TSPAN5: variants seen among roughly 807,000 people sequenced by gnomAD.
TSPAN5 encodes the protein tetraspanin 5.
A neutral mutation model predicts 37.1 loss-of-function variants in TSPAN5; 10 were observed. That is an observed-to-expected ratio of 0.27 (90% confidence interval 0.17 to 0.46). TSPAN5 has a LOEUF of 0.46. TSPAN5 is among the 20% of genes least tolerant of loss of function. The probability of loss-of-function intolerance (pLI) is 1.00; values close to 1 mark genes in which losing one functional copy is unlikely to be tolerated. For synonymous variants in TSPAN5, 110 were observed against 118.9 expected, an observed-to-expected ratio of 0.93 and a Z score of 0.48; for missense variants, 195 against 326.6, an observed-to-expected ratio of 0.60 and a Z score of 3.11.
intron 1 of TSPAN5, chr4:98,657,782 C>T: frequency 3.4e-6 from 1 of 292,060 alleles, no homozygotes. Flanking sequence ...ATTATGACAC[C>T]ACGCTCTGCC....
chr4:98,630,722 C>T (rs1023797622), intron 1 of TSPAN5, among the ~76,000 whole-genome samples: 2 of 152,192 alleles, frequency 1.3e-5, no homozygotes, highest in African/African-American at 4.8e-5. Flanking sequence ...AAAAAGTTCT[C>T]TGAGAAAGTA....
At chr4:98,574,334 T>G (rs1440819445) in intron 1 of TSPAN5, 1 of 152,232 alleles carries the variant, frequency 6.6e-6, no homozygotes, top group Non-Finnish European at 1.5e-5. Flanking sequence ...TAAAGGTTTA[T>G]TTTACCCCCT....
At chr4:98,589,925 C>T (rs938722520) in intron 1 of TSPAN5, among the ~76,000 whole-genome samples, 1 of 152,174 alleles carries the variant, frequency 6.6e-6, no homozygotes, top group Non-Finnish European at 1.5e-5. Context: ...TTCAATAGCA[C>T]TTCTAGCTCT....
Position 98,592,558 on chromosome 4 carries a change from G to T in TSPAN5, c.81+65588C>A, listed in dbSNP as rs1391870172. ...CCACTAATGTGTCGTCTAGCATTAG[G>T]TATATCTCCCAATGCTATCCCTCCC... On this transcript the variant is annotated intron_variant, in intron 1 of 7. Coordinates refer to ENST00000305798, the MANE Select transcript of TSPAN5 (RefSeq NM_005723.4). Among the ~76,000 whole-genome samples the T allele has an allele frequency of 2.0e-5, 3 of 148,000 alleles. No homozygotes were observed. The East Asian group carries it at 6.2e-4, about 30-fold the overall frequency.
At chr4:98,476,373 A>G in intron 6 of TSPAN5, 40 bp downstream of exon 6, 1 of 1,613,960 alleles carries the variant, frequency 6.2e-7, no homozygotes, top group Non-Finnish European at 8.5e-7. Flanking sequence ...AGCTCCTCCA[A>G]CACCCTTCGT....
intron 7 of TSPAN5, among the ~76,000 whole-genome samples, chr4:98,474,164 T>C (rs779422698): frequency 1.3e-5 from 2 of 152,234 alleles, no homozygotes; most frequent in Non-Finnish European, 2.9e-5. Context: ...TGGAGTTCTA[T>C]AGCATTAGCT....
chr4:98,517,043 A>G (rs1202212470), intron 1 of TSPAN5, among the ~76,000 whole-genome samples: 2 of 152,246 alleles, frequency 1.3e-5, no homozygotes, highest in Non-Finnish European at 2.9e-5. Flanking sequence ...ACCACAAAAC[A>G]GATTAAGACT....
chr4:98,505,294 A>G (rs1444056721), intron 2 of TSPAN5, among the ~76,000 whole-genome samples: 2 of 152,174 alleles, frequency 1.3e-5, no homozygotes, highest in Non-Finnish European at 2.9e-5. Context: ...CCTAGAATAT[A>G]TCCAAACTTC....
intron 3 of TSPAN5, chr4:98,484,421 G>C: frequency 2.2e-6 from 1 of 455,866 alleles, no homozygotes; most frequent in Non-Finnish European, 4.4e-6. Flanking sequence ...GATTATTCCA[G>C]GCAAGTTTTT....
At chr4:98,542,708 C>T (rs1754385837) in intron 1 of TSPAN5, among the ~76,000 whole-genome samples, 1 of 123,602 alleles carries the variant, frequency 8.1e-6, no homozygotes, top group Non-Finnish European at 1.6e-5. Context: ...GACAGTGAGA[C>T]CTCATCTCTT....
chr4:98,548,777 T>C (rs28662058), intron 1 of TSPAN5, among the ~76,000 whole-genome samples: 3,483 of 152,292 alleles, frequency 0.023, 127 homozygotes, highest in African/African-American at 0.08. Context: ...GTGTGGCATT[T>C]GCCTTTCTGT....
intron 1 of TSPAN5, chr4:98,575,031 G>GGCCAGA (rs138725206): frequency 0.034 from 5,330 of 155,394 alleles, 261 homozygotes; most frequent in Admixed American, 0.13. Flanking sequence ...TGCAGACAAG[G>GGCCAGA]GCCAGAGCCA....
intron 1 of TSPAN5, among the ~76,000 whole-genome samples, chr4:98,598,282 G>A (rs1451065558): frequency 2.8e-5 from 4 of 141,332 alleles, no homozygotes; most frequent in Non-Finnish European, 3.0e-5. Context: ...GCAATGCCTC[G>A]CCCTGCTTCG....
intron 1 of TSPAN5, among the ~76,000 whole-genome samples, chr4:98,533,543 C>CATTTTTTTTTTTTTTTTTTTTTTTT (rs1754149818): frequency 1.7e-5 from 1 of 58,582 alleles, no homozygotes; most frequent in Non-Finnish European, 2.7e-5. Context: ...TCCCCTATAT[C>CATTTTTTTTTTTTTTTTTTTTTTTT]TTTTTTTTTT....
chr4:98,629,742 C>T (rs1756699594), intron 1 of TSPAN5, among the ~76,000 whole-genome samples: 1 of 152,098 alleles, frequency 6.6e-6, no homozygotes, highest in South Asian at 2.1e-4. Flanking sequence ...ATCCCCAGGG[C>T]AGTAAAAACC....
At chr4:98,587,166 AG>A (rs1755509333) in intron 1 of TSPAN5, among the ~76,000 whole-genome samples, 1 of 152,226 alleles carries the variant, frequency 6.6e-6, no homozygotes, top group Non-Finnish European at 1.5e-5. Flanking sequence ...GCGCCAAAGA[AG>A]GGCATTCATA....
intron 1 of TSPAN5, among the ~76,000 whole-genome samples, chr4:98,511,219 A>C (rs1753597475): frequency 6.6e-6 from 1 of 152,260 alleles, no homozygotes; most frequent in Non-Finnish European, 1.5e-5. Flanking sequence ...GTTTTAAAAT[A>C]AATAACAATA....
chr4:98,519,873 C>T (rs1234476158), intron 1 of TSPAN5, among the ~76,000 whole-genome samples: 1 of 152,162 alleles, frequency 6.6e-6, no homozygotes, highest in Non-Finnish European at 1.5e-5. Flanking sequence ...AGTAATTTAA[C>T]TTGTCAGTCC....
At chr4:98,533,120 T>C (rs2110131112) in intron 1 of TSPAN5, among the ~76,000 whole-genome samples, 1 of 152,348 alleles carries the variant, frequency 6.6e-6, no homozygotes. Context: ...TCTGCATCAA[T>C]GTTCATCAGA....
Sources: allele counts gnomAD v4.1 joint callset (sites outside exome capture counted in the v4.1 genomes callset), GRCh38; gene constraint gnomAD v4.1.1; transcripts MANE v1.5; gene names NCBI Gene and HGNC (gene_info 2026-07-23, HGNC 2026-07-21).